The following DNAJA2 variants were observed in gnomAD, a reference collection of about 807,000 sequenced individuals.
The protein encoded by DNAJA2 is DnaJ heat shock protein family (Hsp40) member A2, also known as dnaJ homolog subfamily A member 2.
DNAJA2 carries 6 observed loss-of-function variants against 49.3 expected under a neutral mutation model. That is an observed-to-expected ratio of 0.12 (90% CI 0.07 to 0.24). DNAJA2 has a LOEUF of 0.24. Among genes scored for constraint, DNAJA2 ranks in the 10% least tolerant of loss-of-function variants. The pLI is 1.00. For synonymous variants in DNAJA2, 160 were observed against 172.7 expected, an observed-to-expected ratio of 0.93 and a Z score of 0.58; for missense variants, 347 against 516.8, an observed-to-expected ratio of 0.67 and a Z score of 3.19.
Position 46,973,577 on chromosome 16 carries a change from G to A in DNAJA2, c.-5C>T. 2 of 1,592,366 alleles carry A rather than the reference G, an allele frequency of 1.3e-6. No individual in the cohort carries two copies. The highest frequency in any genetic ancestry group is 1.1e-5 in the South Asian group (1 of 89,256). Reference sequence around the variant, plus strand: ...CGTGTCAGCCACGTTAGCCATGGCGGCCGGCCGGGCAGTGCTCGGGGAGAA... The same window carrying A: ...CGTGTCAGCCACGTTAGCCATGGCGACCGGCCGGGCAGTGCTCGGGGAGAA... On this transcript the variant is annotated 5_prime_UTR_variant, in exon 1 of 9. Transcript: ENST00000317089.
chr16:46,973,621 G>A lies in DNAJA2; in HGVS notation c.-49C>T, dbSNP rs1672464674. 6.4e-7 allele frequency: 1 copy of A among 1,566,706 alleles called. No individual in the cohort carries two copies. The highest frequency in any genetic ancestry group is 1.4e-5 in the African/African-American group (1 of 72,206). ...GGGAGAAGGTGGCGAAGCAGACAGAGCGGAGTCGGGCCCACAAGCGGCGTC... is the reference window on the plus strand; with the variant it reads ...GGGAGAAGGTGGCGAAGCAGACAGAACGGAGTCGGGCCCACAAGCGGCGTC... On this transcript the variant is annotated 5_prime_UTR_variant, in exon 1 of 9. Coordinates refer to ENST00000317089, the MANE Select transcript of DNAJA2 (RefSeq NM_005880.4).
intron 4 of DNAJA2, among the ~76,000 whole-genome samples, 184 bp downstream of exon 4, chr16:46,967,900 A>C (rs1961994846): frequency 6.6e-6 from 1 of 152,046 alleles, no homozygotes; most frequent in African/African-American, 2.4e-5. Context: ...CTCGGGTTCA[A>C]GCGATTCTCC....
At chr16:46,966,824 GT>G (rs951736500) in intron 5 of DNAJA2, among the ~76,000 whole-genome samples, 1 of 152,166 alleles carries the variant, frequency 6.6e-6, no homozygotes, top group Non-Finnish European at 1.5e-5. Context: ...TACTTGTTTA[GT>G]TATTTATTAT....
At position 46,971,295 on chromosome 16, in the gene DNAJA2, T is replaced by C. The variant is rs556019757; in HGVS notation, c.362+54A>G. The C allele has an allele frequency of 7.3e-6, 11 of 1,505,920 alleles. No homozygotes were observed. The East Asian group carries it at 2.3e-4, about 31-fold the overall frequency. The allele number at this position is 1,505,920 out of a possible 1,614,324, so 93.3% of individuals were successfully genotyped here. On this transcript the variant is annotated intron_variant, in intron 3 of 8. Transcript: ENST00000317089. Reference sequence around the variant, plus strand: ...AGATTTTTCATCTACTGAGTCATTATCCCACTTGACAAAAAGTACTTAATT... The same window carrying C: ...AGATTTTTCATCTACTGAGTCATTACCCCACTTGACAAAAAGTACTTAATT...
intron 6 of DNAJA2, among the ~76,000 whole-genome samples, chr16:46,963,346 A>C (rs936740836): frequency 2.6e-5 from 4 of 152,064 alleles, no homozygotes; most frequent in African/African-American, 9.7e-5. Flanking sequence ...GGACATTAAA[A>C]ATATACAAGT....
intron 8 of DNAJA2, chr16:46,958,770 C>T (rs1961853421): frequency 2.4e-6 from 1 of 411,678 alleles, no homozygotes; most frequent in South Asian, 4.7e-5. Context: ...CACAGTGAGA[C>T]TGTGTCTCAA....
chr16:46,956,917 C>G lies in DNAJA2; in HGVS notation c.*112G>C, dbSNP rs1462679283. The G allele has an allele frequency of 1.7e-6, 2 of 1,185,280 alleles. No homozygotes were observed. The highest frequency in any genetic ancestry group is 2.5e-6 in the Non-Finnish European group (2 of 802,114). The allele number at this position is 1,185,280 out of a possible 1,614,324, so 73.4% of individuals were successfully genotyped here. On this transcript the variant is annotated 3_prime_UTR_variant, in exon 9 of 9. Transcript: ENST00000317089. ...CCAATTTTAAAAGTTATACATAGAC[C>G]AACAGATGTCCCTCAGTTCATCTGG...
In DNAJA2 at chr16:46,973,654, G is replaced by C; in HGVS notation, c.-82C>G. ...GGGCCCACAAGCGGCGTCGGCGGCGGCACAGGCCGAGGGAGACAGCGAGGG... is the reference window on the plus strand; with the variant it reads ...GGGCCCACAAGCGGCGTCGGCGGCGCCACAGGCCGAGGGAGACAGCGAGGG... On this transcript the variant is annotated 5_prime_UTR_variant, in exon 1 of 9. Coordinates refer to ENST00000317089, the MANE Select transcript of DNAJA2 (RefSeq NM_005880.4). The C allele has an allele frequency of 6.9e-7, 1 of 1,455,640 alleles. No individual in the cohort carries two copies. Among genetic ancestry groups the C allele is most frequent in the Admixed American group, 1.9e-5 (1 of 52,578 alleles). The allele number at this position is 1,455,640 out of a possible 1,614,324, so 90.2% of individuals were successfully genotyped here.
Position 46,959,038 on chromosome 16 carries a change from G to C in DNAJA2, c.1012C>G (p.Pro338Ala). 6.2e-7 allele frequency: 1 copy of C among 1,609,542 alleles called. No individual in the cohort carries two copies. ...DLYIKFDVQF[P>A]ENNWINPDKL... ...TCTGGGTTGATCCAGTTGTTTTCAGGAAACTGCACATCAAACTTTATGTAA... is the reference window on the plus strand; with the variant it reads ...TCTGGGTTGATCCAGTTGTTTTCAGCAAACTGCACATCAAACTTTATGTAA... The change falls in exon 8 of 9, where the codon CCT becomes GCT. Residue 338 changes from proline (P) to alanine (A), a missense_variant. Pro to Ala is a conservative substitution (Grantham distance 27). Transcript: ENST00000317089.
chr16:46,968,203 C>G, intron 3 of DNAJA2, 39 bp from the exon 4 acceptor site: 1 of 1,468,524 alleles, frequency 6.8e-7, no homozygotes. Context: ...AATTTTGCCA[C>G]ATTTTGTCAA....
chr16:46,973,644 G>T lies in DNAJA2; in HGVS notation c.-72C>A. 1 of 1,505,484 alleles carries T rather than the reference G, an allele frequency of 6.6e-7. No individual in the cohort carries two copies. 93.3% of individuals were successfully genotyped at this position (1,505,484 alleles called of 1,614,324 possible). On this transcript the variant is annotated 5_prime_UTR_variant, in exon 1 of 9. Coordinates refer to ENST00000317089, the MANE Select transcript of DNAJA2 (RefSeq NM_005880.4). ...GAGCGGAGTCGGGCCCACAAGCGGC[G>T]TCGGCGGCGGCACAGGCCGAGGGAG...
chr16:46,973,210 C>T (rs1962082046), intron 1 of DNAJA2, among the ~76,000 whole-genome samples: 1 of 152,126 alleles, frequency 6.6e-6, no homozygotes, highest in Non-Finnish European at 1.5e-5. Context: ...CCCCGGCGCT[C>T]GTTCAAGGAG....
intron 5 of DNAJA2, 21 bp downstream of exon 5, chr16:46,967,492 G>GAGAA (rs776493055): frequency 1.9e-6 from 3 of 1,613,142 alleles, no homozygotes; most frequent in Non-Finnish European, 2.5e-6. Flanking sequence ...CATAAAAGCA[G>GAGAA]AGAAGTACTG....
intron 3 of DNAJA2, among the ~76,000 whole-genome samples, chr16:46,970,790 G>A (rs990638119): frequency 1.5e-5 from 2 of 133,396 alleles, no homozygotes; most frequent in African/African-American, 5.4e-5. Flanking sequence ...TGTAATCCCA[G>A]CACTTTGGGA....
chr16:46,957,757 T>C (rs1448262473), intron 8 of DNAJA2, among the ~76,000 whole-genome samples: 2 of 152,138 alleles, frequency 1.3e-5, no homozygotes, highest in East Asian at 3.9e-4. Context: ...TATCTGCCAA[T>C]ACTTAAACAT....
chr16:46,966,940 G>A (rs182453277), intron 5 of DNAJA2, among the ~76,000 whole-genome samples: 8 of 152,278 alleles, frequency 5.3e-5, no homozygotes, highest in Admixed American at 4.6e-4. Flanking sequence ...GGTTATATTT[G>A]ATAAAGAAGG....
In DNAJA2 at chr16:46,973,666, G is replaced by C; in HGVS notation, c.-94C>G. On this transcript the variant is annotated 5_prime_UTR_variant, in exon 1 of 9. Coordinates refer to ENST00000317089, the MANE Select transcript of DNAJA2 (RefSeq NM_005880.4). The stretch of plus-strand genomic sequence containing the variant: ...GGCGTCGGCGGCGGCACAGGCCGAG[G>C]GAGACAGCGAGGGGGAAGCGGGGGC... 7.4e-7 allele frequency: 1 copy of C among 1,353,208 alleles called. No homozygotes were observed. The highest frequency in any genetic ancestry group is 2.0e-5 in the Admixed American group (1 of 49,388). The allele number at this position is 1,353,208 out of a possible 1,614,324, so 83.8% of individuals were successfully genotyped here. A position where few individuals can be genotyped will look rare whatever the true frequency, so the allele number is the denominator to read the frequency against.
At chr16:46,960,549 G>A (rs541096494) in intron 6 of DNAJA2, among the ~76,000 whole-genome samples, 24 of 152,270 alleles carry the variant, frequency 1.6e-4, no homozygotes, top group Admixed American at 5.2e-4. Flanking sequence ...GGGAGGCCAA[G>A]GCAGGCGGAT....
intron 6 of DNAJA2, among the ~76,000 whole-genome samples, chr16:46,961,703 G>A (rs1207844542): frequency 1.3e-5 from 2 of 152,056 alleles, no homozygotes; most frequent in African/African-American, 4.8e-5. Flanking sequence ...TGTTGCAGCA[G>A]AGCGGGGAAG....
Sources: gnomAD v4.1 joint callset for allele counts (sites outside exome capture counted in the v4.1 genomes callset) on GRCh38, gnomAD v4.1.1 for gene constraint, MANE v1.5 for transcripts, NCBI Gene and HGNC (gene_info 2026-07-23, HGNC 2026-07-21) for gene names.